The following ARHGAP31 variants were observed in gnomAD, a reference collection of about 807,000 sequenced individuals.
ARHGAP31 encodes rho GTPase-activating protein 31.
Under a neutral mutation model 113.9 loss-of-function variants are expected in ARHGAP31, and 34 were observed. That is an observed-to-expected ratio of 0.30 (90% confidence interval 0.23 to 0.40). The LOEUF is 0.40. Among genes scored for constraint, ARHGAP31 ranks in the 10% least tolerant of loss-of-function variants. The pLI, the probability that ARHGAP31 is intolerant of heterozygous loss-of-function variation, is 1.00. For missense variants in ARHGAP31, 1,548 were observed against 1,767.1 expected (o/e 0.88, Z 2.22); for synonymous variants, 650 against 684.8 (o/e 0.95, Z 0.79).
At chr3:119,317,457 G>GT (rs1285121819) in intron 1 of ARHGAP31, among the ~76,000 whole-genome samples, 24 of 152,166 alleles carry the variant, frequency 1.6e-4, no homozygotes, top group Admixed American at 1.6e-3. Context: ...GATTACAGGC[G>GT]TGAGTCACTG....
At chr3:119,333,753 C>A (rs369149362) in intron 1 of ARHGAP31, among the ~76,000 whole-genome samples, 4 of 152,192 alleles carry the variant, frequency 2.6e-5, no homozygotes, top group Non-Finnish European at 5.9e-5. Context: ...CGACTCTCAC[C>A]GTTTTATTCC....
At chr3:119,389,373 T>C (rs987173724) in intron 6 of ARHGAP31, among the ~76,000 whole-genome samples, 2 of 152,182 alleles carry the variant, frequency 1.3e-5, no homozygotes, top group African/African-American at 4.8e-5. Context: ...TTTATGTATT[T>C]TTAAGCAAAT....
intron 11 of ARHGAP31, 113 bp from the exon 12 acceptor site, chr3:119,413,743 T>C: frequency 6.2e-6 from 9 of 1,451,930 alleles, no homozygotes; most frequent in Non-Finnish European, 8.7e-6. Flanking sequence ...CATCCTGTAT[T>C]TGCTGAACTG....
In ARHGAP31 at chr3:119,414,167, C is replaced by T; in HGVS notation, c.2238C>T (p.His746=). The part of the protein sequence containing the change: ...REKPEPEQGL[H]PDLASLAPLE... ...AGCCGGAACCTGAGCAGGGCCTGCA[C>T]CCAGACCTCGCCAGCCTGGCTCCTC... The change falls in exon 12 of 12, where the codon CAC becomes CAT. Residue 746 remains histidine (H), a synonymous_variant. Transcript: ENST00000264245. 6.2e-7 allele frequency: 1 copy of T among 1,614,158 alleles called. No individual in the cohort carries two copies. The highest frequency in any genetic ancestry group is 8.5e-7 in the Non-Finnish European group (1 of 1,180,026).
At chr3:119,346,957 T>C (rs1407520178) in intron 1 of ARHGAP31, among the ~76,000 whole-genome samples, 4 of 152,170 alleles carry the variant, frequency 2.6e-5, no homozygotes, top group African/African-American at 9.7e-5. Context: ...CATTCCAGAA[T>C]TCTGGTTGAC....
intron 11 of ARHGAP31, among the ~76,000 whole-genome samples, chr3:119,410,678 T>G (rs2080707628): frequency 6.6e-6 from 1 of 152,198 alleles, no homozygotes. Flanking sequence ...CAGGTAAAGT[T>G]AGTGCTGGAA....
intron 1 of ARHGAP31, among the ~76,000 whole-genome samples, chr3:119,321,295 AGTATATATATATGTATTAT>A (rs2079783146): frequency 7.1e-6 from 1 of 140,934 alleles, no homozygotes; most frequent in Admixed American, 7.1e-5. Context: ...ATATATATAT[AGTATATATATATGTATTAT>A]GTATATATAA....
chr3:119,315,356 A>T (rs1379625649), intron 1 of ARHGAP31, among the ~76,000 whole-genome samples: 3 of 152,226 alleles, frequency 2.0e-5, no homozygotes, highest in Non-Finnish European at 1.5e-5. Context: ...CTTCTCAGTG[A>T]GGCCCCCATC....
intron 1 of ARHGAP31, among the ~76,000 whole-genome samples, chr3:119,340,949 G>T (rs1001424593): frequency 2.2e-4 from 33 of 152,298 alleles, no homozygotes; most frequent in African/African-American, 7.9e-4. Context: ...TGGTCATTCA[G>T]CTGGCCAGAG....
intron 1 of ARHGAP31, among the ~76,000 whole-genome samples, chr3:119,334,472 T>G (rs967991603): frequency 6.6e-6 from 1 of 152,222 alleles, no homozygotes; most frequent in Non-Finnish European, 1.5e-5. Flanking sequence ...TTCCCTGTGA[T>G]TAGGGAGCTT....
chr3:119,374,221 C>G (rs1158807388), intron 3 of ARHGAP31, among the ~76,000 whole-genome samples: 1 of 152,098 alleles, frequency 6.6e-6, no homozygotes, highest in Non-Finnish European at 1.5e-5. Flanking sequence ...GCATGAATGG[C>G]TTAGCATCAT....
intron 4 of ARHGAP31, among the ~76,000 whole-genome samples, chr3:119,381,413 C>T (rs1013610178): frequency 4.6e-5 from 7 of 152,146 alleles, no homozygotes; most frequent in Middle Eastern, 6.8e-3. Flanking sequence ...CATCCCCCAC[C>T]CTTTCATTTC....
At chr3:119,299,512 A>G (rs936893054) in intron 1 of ARHGAP31, among the ~76,000 whole-genome samples, 1 of 152,248 alleles carries the variant, frequency 6.6e-6, no homozygotes, top group African/African-American at 2.4e-5. Flanking sequence ...TTTAAGCTTG[A>G]TGAGAGTAAG....
intron 4 of ARHGAP31, among the ~76,000 whole-genome samples, chr3:119,381,568 C>A (rs978531477): frequency 6.6e-6 from 1 of 152,130 alleles, no homozygotes; most frequent in Non-Finnish European, 1.5e-5. Flanking sequence ...AAATTAGCTC[C>A]CTAACAAGTA....
intron 6 of ARHGAP31, among the ~76,000 whole-genome samples, chr3:119,389,738 A>G (rs1243292454): frequency 6.6e-6 from 1 of 152,264 alleles, no homozygotes; most frequent in East Asian, 1.9e-4. Flanking sequence ...GTCCTCCACC[A>G]AAAGTAATTT....
intron 1 of ARHGAP31, among the ~76,000 whole-genome samples, chr3:119,320,543 A>G (rs1342626602): frequency 6.6e-6 from 1 of 152,182 alleles, no homozygotes; most frequent in Non-Finnish European, 1.5e-5. Context: ...ATTGTAAACA[A>G]AACTTTTCAT....
At chr3:119,336,742 A>C (rs1469343691) in intron 1 of ARHGAP31, among the ~76,000 whole-genome samples, 1 of 152,214 alleles carries the variant, frequency 6.6e-6, no homozygotes, top group Non-Finnish European at 1.5e-5. Context: ...CAATGACCAC[A>C]ATCAATCTTA....
At position 119,294,861 on chromosome 3, in the gene ARHGAP31, G is replaced by A; in HGVS notation, c.-44G>A. ...GCCCATCTTACAGCGGTGCCAAGCA[G>A]AGGGGCGGCAGAGACGGAGGGGCAG... On this transcript the variant is annotated 5_prime_UTR_variant, in exon 1 of 12. Coordinates refer to ENST00000264245, the MANE Select transcript of ARHGAP31 (RefSeq NM_020754.4). 6.3e-7 allele frequency: 1 copy of A among 1,579,222 alleles called. No homozygotes were observed. Among genetic ancestry groups the A allele is most frequent in the Non-Finnish European group, 8.7e-7 (1 of 1,148,930 alleles).
chr3:119,349,900 A>G (rs1442374620), intron 1 of ARHGAP31, among the ~76,000 whole-genome samples: 1 of 152,116 alleles, frequency 6.6e-6, no homozygotes, highest in Non-Finnish European at 1.5e-5. Flanking sequence ...CATTTCCACT[A>G]TTGAGAATGG....
Sources: allele counts gnomAD v4.1 joint callset (sites outside exome capture counted in the v4.1 genomes callset), GRCh38; gene constraint gnomAD v4.1.1; transcripts MANE v1.5; gene names NCBI Gene and HGNC (gene_info 2026-07-23, HGNC 2026-07-21).